Variants in CFAP61 observed in about 807,000 individuals in gnomAD.
The protein encoded by CFAP61 is cilia and flagella associated protein 61.
Under a neutral mutation model 135.6 loss-of-function variants are expected in CFAP61, and 107 were observed. The observed-to-expected ratio is 0.79, with a 90% CI of 0.67 to 0.93. CFAP61 has a LOEUF of 0.93. CFAP61 is among the 40% of genes least tolerant of loss of function. CFAP61 has a pLI of 0.00. For missense variants in CFAP61, 1,507 were observed against 1,556.2 expected (o/e 0.97, Z 0.53); for synonymous variants, 575 against 578.5 (o/e 0.99, Z 0.09).
chr20:20,325,736 A>G (rs1476844278), intron 25 of CFAP61, among the ~76,000 whole-genome samples: 1 of 152,228 alleles, frequency 6.6e-6, no homozygotes, highest in Non-Finnish European at 1.5e-5. Context: ...ACCAAGGAAC[A>G]CAATTTTGGA....
At position 20,191,438 on chromosome 20, in the gene CFAP61, A is replaced by G. The variant is rs1485072122; in HGVS notation, c.1590+19A>G. On this transcript the variant is annotated intron_variant, in intron 15 of 26. Coordinates refer to ENST00000245957, the MANE Select transcript of CFAP61 (RefSeq NM_015585.4). ...TGAAATGGTAAATTGTGAAGTGGAT[A>G]TAAATTTCTTTGATTGTGCCTTGCT... The G allele has an allele frequency of 4.4e-6, 7 of 1,587,610 alleles. No homozygotes were observed. The highest frequency in any genetic ancestry group is 4.3e-6 in the Non-Finnish European group (5 of 1,158,430).
intron 20 of CFAP61, among the ~76,000 whole-genome samples, chr20:20,257,484 A>G (rs6046769): frequency 0.65 from 98,659 of 151,798 alleles, 32,203 homozygotes; most frequent in East Asian, 0.74. Flanking sequence ...GTGTGGTGGC[A>G]GGGTCTTGTA....
chr20:20,266,616 T>G (rs1402740555), intron 21 of CFAP61, among the ~76,000 whole-genome samples: 1 of 152,238 alleles, frequency 6.6e-6, no homozygotes, highest in African/African-American at 2.4e-5. Flanking sequence ...AAGAGAACCC[T>G]TGAATGAAAT....
Position 20,159,380 on chromosome 20 carries a change from C to G in CFAP61, c.962C>G (p.Ala321Gly), listed in dbSNP as rs762364920. 1 of 1,613,572 alleles carries G rather than the reference C, an allele frequency of 6.2e-7. No individual in the cohort carries two copies. The highest frequency in any genetic ancestry group is 8.5e-7 in the Non-Finnish European group (1 of 1,179,662). ...TGTCATCATTTCCAGGGAAATATTG[C>G]CAGAGAAGCTGCATCCGAGGAAGCT... ...DTMENIQGNI[A>G]REAASEEALT... The change falls in exon 10 of 27, where the codon GCC becomes GGC. Residue 321 changes from alanine to glycine, a missense_variant. Physicochemically the swap from Ala to Gly is moderately conservative, Grantham distance 60. Transcript: ENST00000245957.
chr20:20,312,794 A>G (rs908309547), intron 25 of CFAP61, among the ~76,000 whole-genome samples: 4 of 152,232 alleles, frequency 2.6e-5, no homozygotes, highest in African/African-American at 4.8e-5. Context: ...GTGGAGCAAC[A>G]TTGTTAAAGT....
chr20:20,127,067 TTTTA>T (rs1404994230), intron 8 of CFAP61, among the ~76,000 whole-genome samples: 1 of 151,588 alleles, frequency 6.6e-6, no homozygotes, highest in Admixed American at 6.6e-5. Context: ...TTCCTGAATG[TTTTA>T]TTGTTTTTTC....
intron 25 of CFAP61, among the ~76,000 whole-genome samples, chr20:20,300,993 C>G (rs1416113440): frequency 6.6e-6 from 1 of 152,040 alleles, no homozygotes; most frequent in African/African-American, 2.4e-5. Flanking sequence ...AAAGAGTAAG[C>G]ACAGGTTAAC....
At chr20:20,252,058 C>A (rs552428862) in intron 20 of CFAP61, among the ~76,000 whole-genome samples, 6 of 152,334 alleles carry the variant, frequency 3.9e-5, no homozygotes, top group African/African-American at 1.4e-4. Flanking sequence ...ACATACTGCT[C>A]GCCCTAGCAG....
At chr20:20,319,277 A>G (rs2122233378) in intron 25 of CFAP61, among the ~76,000 whole-genome samples, 1 of 152,364 alleles carries the variant, frequency 6.6e-6, no homozygotes, top group South Asian at 2.1e-4. Context: ...CAGATTTTTG[A>G]ATAGCAACCT....
At position 20,159,393 on chromosome 20, in the gene CFAP61, A is replaced by G. The variant is rs766601614; in HGVS notation, c.975A>G (p.Ala325=). Residue 325 remains alanine, a synonymous_variant, in exon 10 of 27, where the codon GCA becomes GCG. Coordinates refer to ENST00000245957, the MANE Select transcript of CFAP61 (RefSeq NM_015585.4). ...AGGGAAATATTGCCAGAGAAGCTGC[A>G]TCCGAGGAAGCTTTAACAGCAGTCC... ...NIQGNIAREA[A]SEEALTAVQS... The G allele has an allele frequency of 6.2e-6, 10 of 1,613,998 alleles. No individual in the cohort carries two copies. The highest frequency in any genetic ancestry group is 8.5e-6 in the Non-Finnish European group (10 of 1,179,858).
At chr20:20,277,757 C>T (rs1238334720) in intron 22 of CFAP61, among the ~76,000 whole-genome samples, 1 of 152,208 alleles carries the variant, frequency 6.6e-6, no homozygotes, top group Non-Finnish European at 1.5e-5. Flanking sequence ...GTCGCTCATG[C>T]GGCTGAAGTC....
chr20:20,148,459 C>A (rs1165824278), intron 9 of CFAP61, among the ~76,000 whole-genome samples: 1 of 152,098 alleles, frequency 6.6e-6, no homozygotes, highest in Non-Finnish European at 1.5e-5. Flanking sequence ...CCTTGTAGAT[C>A]TTTCACCTCC....
At chr20:20,268,413 C>T (rs1282234285) in intron 21 of CFAP61, among the ~76,000 whole-genome samples, 1 of 152,332 alleles carries the variant, frequency 6.6e-6, no homozygotes, top group Middle Eastern at 3.4e-3. Flanking sequence ...GAAGTCGGCT[C>T]TCCTTTGAAC....
chr20:20,234,216 T>G (rs74577300), intron 18 of CFAP61, among the ~76,000 whole-genome samples: 1,561 of 152,256 alleles, frequency 0.01, 13 homozygotes, highest in Non-Finnish European at 0.017. Context: ...CCCTTGTCAG[T>G]GGGTCCCCAC....
intron 18 of CFAP61, among the ~76,000 whole-genome samples, chr20:20,239,972 A>G (rs2049895489): frequency 6.6e-6 from 1 of 152,102 alleles, no homozygotes; most frequent in South Asian, 2.1e-4. Flanking sequence ...AAGTGATTGG[A>G]CATGGTGGCC....
intron 25 of CFAP61, among the ~76,000 whole-genome samples, chr20:20,302,319 T>G (rs1374243450): frequency 1.3e-5 from 2 of 152,236 alleles, no homozygotes; most frequent in African/African-American, 4.8e-5. Context: ...TTCCAACTTT[T>G]ATACTGTTTA....
intron 22 of CFAP61, 119 bp downstream of exon 22, chr20:20,277,577 T>A: frequency 9.0e-7 from 1 of 1,108,248 alleles, no homozygotes; most frequent in Non-Finnish European, 1.3e-6. Context: ...GGATTTTGTT[T>A]TCTGTGTGTT....
intron 17 of CFAP61, among the ~76,000 whole-genome samples, chr20:20,216,944 C>T (rs2048079819): frequency 6.6e-6 from 1 of 152,152 alleles, no homozygotes; most frequent in East Asian, 1.9e-4. Flanking sequence ...AACTTGTGTT[C>T]AGCAGTGGCC....
intron 25 of CFAP61, among the ~76,000 whole-genome samples, chr20:20,330,891 C>A (rs2057964457): frequency 6.6e-6 from 1 of 152,190 alleles, no homozygotes; most frequent in Non-Finnish European, 1.5e-5. Context: ...TGGATCCCAG[C>A]AGTTTTGTTA....
Sources: allele counts gnomAD v4.1 joint callset (sites outside exome capture counted in the v4.1 genomes callset), GRCh38; gene constraint gnomAD v4.1.1; transcripts MANE v1.5; gene names NCBI Gene and HGNC (gene_info 2026-07-23, HGNC 2026-07-21).